The following ACTN1 variants were observed in gnomAD, a reference collection of about 807,000 sequenced individuals.
The protein encoded by ACTN1 is actinin alpha 1, also known as alpha-actinin-1.
Under a neutral mutation model 119.6 loss-of-function variants are expected in ACTN1, and 30 were observed. The observed-to-expected ratio is 0.25, with a 90% confidence interval of 0.19 to 0.34. ACTN1 has a LOEUF of 0.34. Ranked by LOEUF, ACTN1 falls within the 10% of genes least tolerant of loss-of-function variation. The pLI, the probability that ACTN1 is intolerant of heterozygous loss-of-function variation, is 1.00. For synonymous variants in ACTN1, 429 were observed against 472.6 expected (o/e 0.91, Z 1.20); for missense variants, 764 against 1,223.4 (o/e 0.62, Z 5.60).
intron 6 of ACTN1, among the ~76,000 whole-genome samples, chr14:68,906,440 C>T (rs373163005): frequency 1.2e-4 from 18 of 152,162 alleles, no homozygotes; most frequent in East Asian, 9.6e-4. Flanking sequence ...ATAAATACAT[C>T]ATCCAGGATG....
At chr14:68,977,891 G>A (rs2037118765) in intron 1 of ACTN1, 3 of 451,522 alleles carry the variant, frequency 6.6e-6, no homozygotes, top group Non-Finnish European at 1.3e-5. Flanking sequence ...GGGCAGCCGG[G>A]AGGAGGGGGA....
chr14:68,909,428 G>A lies in ACTN1; in HGVS notation c.516-32C>T, dbSNP rs371797681. The A allele has an allele frequency of 1.0e-4, 163 of 1,611,076 alleles. 1 individual carries two copies. The highest frequency in any genetic ancestry group is 9.4e-4 in the East Asian group (42 of 44,854). ...GGGGAGAGAGAAGAAGGAGCAGGCT[G>A]GTAAATGAGGCTGAACAAACGGGCA... is the stretch of plus-strand genomic sequence containing the variant. On this transcript the variant is annotated intron_variant, in intron 5 of 21. Coordinates refer to ENST00000394419, the MANE Select transcript of ACTN1 (RefSeq NM_001130004.2). The surrounding 1 kb of genome is among the most constrained non-coding windows in gnomAD (Gnocchi z 4.1).
chr14:68,976,778 C>T (rs868692973), intron 1 of ACTN1, among the ~76,000 whole-genome samples: 21 of 152,200 alleles, frequency 1.4e-4, no homozygotes, highest in Middle Eastern at 3.2e-3. Flanking sequence ...CTCTCTGGCC[C>T]TGGTTTCCTA....
At chr14:68,902,861 AC>A (rs1389600970) in intron 7 of ACTN1, among the ~76,000 whole-genome samples, 1 of 152,220 alleles carries the variant, frequency 6.6e-6, no homozygotes, top group Non-Finnish European at 1.5e-5. Context: ...GGAGAGAAGT[AC>A]TAGAGATGGG....
chr14:68,949,825 C>T (rs2036069837), intron 1 of ACTN1, among the ~76,000 whole-genome samples: 1 of 152,194 alleles, frequency 6.6e-6, no homozygotes, highest in African/African-American at 2.4e-5. Flanking sequence ...ACCTTCAAGA[C>T]ATTCTGCTAA....
chr14:68,943,236 G>A (rs549641217), intron 1 of ACTN1, among the ~76,000 whole-genome samples: 1 of 152,286 alleles, frequency 6.6e-6, no homozygotes, highest in Non-Finnish European at 1.5e-5. Context: ...CAGCAAGCAG[G>A]GAGCAGCAAG....
intron 1 of ACTN1, among the ~76,000 whole-genome samples, chr14:68,946,490 G>C (rs2035949527): frequency 6.6e-6 from 1 of 152,178 alleles, no homozygotes; most frequent in African/African-American, 2.4e-5. Context: ...AAAAAAGGCA[G>C]AGGAAGAGGG....
chr14:68,930,367 G>A (rs1353500467), intron 1 of ACTN1, among the ~76,000 whole-genome samples: 1 of 152,192 alleles, frequency 6.6e-6, no homozygotes, highest in African/African-American at 2.4e-5. Flanking sequence ...TGCAGAAAGT[G>A]GTAGTTCCTA....
At chr14:68,937,941 A>C (rs1396559675) in intron 1 of ACTN1, among the ~76,000 whole-genome samples, 4 of 152,214 alleles carry the variant, frequency 2.6e-5, no homozygotes. Context: ...ACTGATGTTG[A>C]AGACGTTACT....
In ACTN1 at chr14:68,917,308, G is replaced by C. The variant is rs576548313; in HGVS notation, c.340+3698C>G. ...CCAGAGCCCCGGCTCCATTTCCCAAGGCTCCCAGAGTCCACCTACCTACAG... is the reference window on the plus strand; with the variant it reads ...CCAGAGCCCCGGCTCCATTTCCCAACGCTCCCAGAGTCCACCTACCTACAG... On this transcript the variant is annotated intron_variant, in intron 3 of 21. Coordinates refer to ENST00000394419, the MANE Select transcript of ACTN1 (RefSeq NM_001130004.2). Among the ~76,000 whole-genome samples, 4 of 152,282 alleles carry C rather than the reference G, an allele frequency of 2.6e-5. No individual in the cohort carries two copies. The South Asian group carries it at 8.3e-4, about 32-fold the overall frequency.
In ACTN1 at chr14:68,874,801, C is replaced by CGGCGGAGGTGCAA. The variant is rs1789637755; in HGVS notation, c.*45_*57dup. The CGGCGGAGGTGCAA allele has an allele frequency of 1.4e-6, 2 of 1,449,798 alleles. No homozygotes were observed. Among genetic ancestry groups the CGGCGGAGGTGCAA allele is most frequent in the South Asian group, 3.1e-5 (2 of 65,034 alleles). 89.8% of individuals were successfully genotyped at this position (1,449,798 alleles called of 1,614,324 possible). A position where few individuals can be genotyped will look rare whatever the true frequency, so the allele number is the denominator to read the frequency against. On this transcript the variant is annotated 3_prime_UTR_variant, in exon 22 of 22. Transcript: ENST00000394419. ...CCGAACCCAGGCAGGAGATGGGCGA[C>CGGCGGAGGTGCAA]GGCGGAGGTGCAAGGCAGGGCACGG...
intron 1 of ACTN1, among the ~76,000 whole-genome samples, chr14:68,952,729 T>A (rs1378758021): frequency 6.6e-6 from 1 of 151,996 alleles, no homozygotes; most frequent in Non-Finnish European, 1.5e-5. Context: ...ACGTTCAGTA[T>A]CTTCTCTGCC....
chr14:68,880,355 T>C lies in ACTN1; in HGVS notation c.2134-247A>G, dbSNP rs578029051. ...GAGCAAAGAAACCAGGACTTGCCAATGGGGGTCAGGTCAGGAAGGAGGGCA... is the reference window on the plus strand; with the variant it reads ...GAGCAAAGAAACCAGGACTTGCCAACGGGGGTCAGGTCAGGAAGGAGGGCA... On this transcript the variant is annotated intron_variant, in intron 17 of 21. Transcript: ENST00000394419. This position sits in a 1 kb window ranked among gnomAD's most constrained non-coding sequence, Gnocchi z 4.6. Among the ~76,000 whole-genome samples the C allele has an allele frequency of 3.3e-5, 5 of 152,058 alleles. No individual in the cohort carries two copies. In the South Asian group the frequency reaches 6.2e-4, roughly 19 times the overall value.
Position 68,934,206 on chromosome 14 carries a change from C to T in ACTN1, c.106-8534G>A, listed in dbSNP as rs144701632. Among the ~76,000 whole-genome samples, 699 of 152,304 alleles carry T rather than the reference C, an allele frequency of 4.6e-3. 4 individuals carry two copies. The highest frequency in any genetic ancestry group is 0.018 in the South Asian group (89 of 4,824). On this transcript the variant is annotated intron_variant, in intron 1 of 21. Transcript: ENST00000394419. ...AATGTATGACATGCTAAAACAAGCA[C>T]GCAGCAGACAGCTGTGCCTACCACA...
chr14:68,912,809 G>T (rs758747997), intron 3 of ACTN1, among the ~76,000 whole-genome samples: 1 of 152,150 alleles, frequency 6.6e-6, no homozygotes, highest in East Asian at 1.9e-4. Flanking sequence ...ACAGAGAAGG[G>T]GGCATTTGAA....
chr14:68,918,285 C>T (rs928933282), intron 3 of ACTN1, among the ~76,000 whole-genome samples: 4 of 151,900 alleles, frequency 2.6e-5, no homozygotes, highest in Admixed American at 2.0e-4. Flanking sequence ...GAAGACAATT[C>T]GATGTGAAAG....
intron 1 of ACTN1, among the ~76,000 whole-genome samples, chr14:68,969,237 T>C (rs2036801636): frequency 6.6e-6 from 1 of 151,958 alleles, no homozygotes; most frequent in African/African-American, 2.4e-5. Context: ...GTTGGGAAAA[T>C]ATGCAGATTT....
At chr14:68,891,540 C>A (rs1052690521) in intron 10 of ACTN1, among the ~76,000 whole-genome samples, 4 of 152,052 alleles carry the variant, frequency 2.6e-5, no homozygotes, top group South Asian at 4.1e-4. Context: ...GGATTAAAAT[C>A]ATTTTTTTTA....
intron 11 of ACTN1, among the ~76,000 whole-genome samples, chr14:68,889,260 G>C (rs1374273087): frequency 6.6e-6 from 1 of 152,202 alleles, no homozygotes; most frequent in South Asian, 2.1e-4. Context: ...GAGCAACAGG[G>C]ACACACATGT....
Sources: gnomAD v4.1 joint callset for allele counts (sites outside exome capture counted in the v4.1 genomes callset) on GRCh38, gnomAD v4.1.1 for gene constraint, Gnocchi (gnomAD v3.1) non-coding constraint, MANE v1.5 for transcripts, NCBI Gene and HGNC (gene_info 2026-07-23, HGNC 2026-07-21) for gene names.